The following GPC3 variants were observed in gnomAD, a reference collection of about 807,000 sequenced individuals.
GPC3 encodes the protein glypican-3.
A neutral mutation model predicts 34.4 loss-of-function variants in GPC3; 3 were observed. The observed-to-expected ratio is 0.09, with a 90% CI of 0.04 to 0.23. The LOEUF is 0.23. GPC3 is among the 10% of genes least tolerant of loss of function. GPC3 has a pLI of 1.00. For synonymous variants in GPC3, 177 were observed against 174.0 expected (o/e 1.02, Z -0.13); for missense variants, 351 against 445.6 (o/e 0.79, Z 1.91).
At chrX:133,630,956 A>T (rs748103320) in intron 6 of GPC3, among the ~76,000 whole-genome samples, 1 of 111,984 alleles carries the variant, frequency 8.9e-6, no homozygotes, top group South Asian at 3.7e-4. Flanking sequence ...GGGAAAACAC[A>T]TTACACTGTA....
At chrX:133,800,609 G>A (rs1052570769) in intron 2 of GPC3, among the ~76,000 whole-genome samples, 17 of 112,119 alleles carry the variant, frequency 1.5e-4, no homozygotes, top group South Asian at 1.5e-3. Flanking sequence ...TTAAAAGAGC[G>A]AAAGAAACAA....
rs1184031425 is a variant in GPC3, at chrX:133,749,086, C to T, written c.1032+4396G>A. On this transcript the variant is annotated intron_variant, in intron 3 of 7. Transcript: ENST00000370818. ...CAGCCTGGCCAACATAGTGAAACCC[C>T]GTCTCTACAAAAAAAATACAAAAAA... Among the ~76,000 whole-genome samples, 5 of 110,925 alleles carry T rather than the reference C, an allele frequency of 4.5e-5. No homozygotes were observed. The East Asian group carries it at 1.1e-3, about 25-fold the overall frequency.
In GPC3 at chrX:133,661,718, T is replaced by C. The variant is rs2124401731; in HGVS notation, c.1413+12A>G. The C allele has an allele frequency of 4.6e-6, 5 of 1,076,323 alleles. No homozygotes were observed. Among genetic ancestry groups the C allele is most frequent in the Non-Finnish European group, 6.4e-6 (5 of 785,236 alleles). 88.7% of individuals were successfully genotyped at this position (1,076,323 alleles called of 1,213,427 possible). A position where few individuals can be genotyped will look rare whatever the true frequency, so the allele number is the denominator to read the frequency against. On this transcript the variant is annotated intron_variant, in intron 6 of 7. Coordinates refer to ENST00000370818, the MANE Select transcript of GPC3 (RefSeq NM_004484.4). ...TACTTTTTATTATTATTATTTTTTATATTCCACATACCTGGTTAATGTGCT... is the reference window on the plus strand; with the variant it reads ...TACTTTTTATTATTATTATTTTTTACATTCCACATACCTGGTTAATGTGCT...
At chrX:133,600,962 T>C (rs2069974420) in intron 6 of GPC3, among the ~76,000 whole-genome samples, 1 of 112,184 alleles carries the variant, frequency 8.9e-6, no homozygotes, top group Non-Finnish European at 1.9e-5. Flanking sequence ...ATTATCAATG[T>C]AAACGATCAT....
At chrX:133,878,845 G>A (rs1476408566) in intron 2 of GPC3, among the ~76,000 whole-genome samples, 1 of 111,791 alleles carries the variant, frequency 8.9e-6, no homozygotes, top group Non-Finnish European at 1.9e-5. Flanking sequence ...AAAAGCATCT[G>A]TTTAGTAAGT....
At chrX:133,685,630 G>A (rs116677602) in intron 5 of GPC3, among the ~76,000 whole-genome samples, 5,137 of 110,286 alleles carry the variant, frequency 0.047, 328 homozygotes, top group African/African-American at 0.16. Context: ...AAGATAAAGA[G>A]GAGGCAGATT....
intron 2 of GPC3, among the ~76,000 whole-genome samples, chrX:133,801,588 C>CATTATT (rs2075609696): frequency 8.9e-6 from 1 of 112,139 alleles, no homozygotes; most frequent in South Asian, 3.7e-4. Flanking sequence ...ACCAAACTGC[C>CATTATT]ATTATTCTTA....
At chrX:133,723,748 T>C (rs984843068) in intron 3 of GPC3, among the ~76,000 whole-genome samples, 2 of 111,915 alleles carry the variant, frequency 1.8e-5, no homozygotes, top group African/African-American at 6.5e-5. Flanking sequence ...GGAAGCTTCC[T>C]GAGGCCCTCA....
chrX:133,849,239 C>T (rs6638131), intron 2 of GPC3, among the ~76,000 whole-genome samples: 34 of 108,676 alleles, frequency 3.1e-4, no homozygotes, highest in Admixed American at 2.1e-3. Flanking sequence ...GGACTACAGG[C>T]GCCCGCCAAC....
intron 6 of GPC3, among the ~76,000 whole-genome samples, chrX:133,632,486 T>C (rs1417629931): frequency 9.0e-6 from 1 of 111,681 alleles, no homozygotes; most frequent in African/African-American, 3.3e-5. Context: ...GATTAACTTA[T>C]TTTTACTTAT....
At chrX:133,758,024 G>T (rs762029258) in intron 2 of GPC3, among the ~76,000 whole-genome samples, 14 of 111,662 alleles carry the variant, frequency 1.3e-4, no homozygotes, top group Non-Finnish European at 2.1e-4. Context: ...AGTCAGAATG[G>T]CAATTATTAA....
At chrX:133,857,444 T>C (rs1039710871) in intron 2 of GPC3, among the ~76,000 whole-genome samples, 2 of 112,005 alleles carry the variant, frequency 1.8e-5, no homozygotes, top group Non-Finnish European at 3.8e-5. Context: ...CAAATAGAAA[T>C]ATAATCTTCC....
intron 2 of GPC3, among the ~76,000 whole-genome samples, chrX:133,894,916 C>T (rs1008573907): frequency 1.8e-5 from 2 of 112,155 alleles, no homozygotes; most frequent in Non-Finnish European, 3.8e-5. Flanking sequence ...TACAATTGAT[C>T]CTGGGACCAA....
At chrX:133,587,787 A>G (rs1024820860) in intron 7 of GPC3, among the ~76,000 whole-genome samples, 1 of 112,013 alleles carries the variant, frequency 8.9e-6, no homozygotes, top group African/African-American at 3.2e-5. Context: ...CATGTGTTTC[A>G]TTCAGCAACT....
intron 4 of GPC3, among the ~76,000 whole-genome samples, chrX:133,698,455 T>C (rs772533340): frequency 1.7e-4 from 19 of 112,010 alleles, no homozygotes; most frequent in Non-Finnish European, 3.6e-4. Context: ...AACTACCCAG[T>C]TGGGGGCAGA....
At chrX:133,824,730 A>C (rs1208051137) in intron 2 of GPC3, among the ~76,000 whole-genome samples, 1 of 110,479 alleles carries the variant, frequency 9.1e-6, no homozygotes, top group Non-Finnish European at 1.9e-5. Context: ...ACAATGCATC[A>C]ATTTAAAAAG....
chrX:133,709,358 G>A (rs771258467), intron 3 of GPC3, among the ~76,000 whole-genome samples: 7 of 111,050 alleles, frequency 6.3e-5, no homozygotes, highest in East Asian at 5.7e-4. Flanking sequence ...TGTGGCATTC[G>A]CTTTGTGGTA....
chrX:133,811,937 G>A (rs1467892496), intron 2 of GPC3, among the ~76,000 whole-genome samples: 3 of 111,933 alleles, frequency 2.7e-5, no homozygotes, highest in African/African-American at 9.7e-5. Flanking sequence ...AAATATAGAA[G>A]TCCTACAAAA....
chrX:133,919,948 T>C (rs1362494705), intron 2 of GPC3, among the ~76,000 whole-genome samples: 9 of 108,375 alleles, frequency 8.3e-5, no homozygotes, highest in Non-Finnish European at 1.5e-4. Context: ...CTGCTTGAGC[T>C]CGGGAGTTCA....
Sources: allele counts gnomAD v4.1 joint callset (sites outside exome capture counted in the v4.1 genomes callset), GRCh38; gene constraint gnomAD v4.1.1; transcripts MANE v1.5; gene names NCBI Gene and HGNC (gene_info 2026-07-23, HGNC 2026-07-21).